The following ENOX1 variants were observed in gnomAD, a reference collection of about 807,000 sequenced individuals.
The protein encoded by ENOX1 is ecto-NOX disulfide-thiol exchanger 1.
A neutral mutation model predicts 82.5 loss-of-function variants in ENOX1; 42 were observed. That is an observed-to-expected ratio of 0.51 (90% confidence interval 0.40 to 0.66). The LOEUF is 0.66. Among genes scored for constraint, ENOX1 ranks in the 30% least tolerant of loss-of-function variants. The pLI is 0.00. For synonymous variants in ENOX1, 271 were observed against 282.2 expected (o/e 0.96, Z 0.40); for missense variants, 608 against 811.6 (o/e 0.75, Z 3.05).
chr13:43,681,260 C>A (rs1024818292), intron 1 of ENOX1, among the ~76,000 whole-genome samples: 4 of 152,084 alleles, frequency 2.6e-5, no homozygotes, highest in African/African-American at 9.7e-5. Context: ...TAGAAGTCAC[C>A]ACCTAACACA....
chr13:43,702,513 G>A (rs2086963516), intron 1 of ENOX1, among the ~76,000 whole-genome samples: 3 of 152,258 alleles, frequency 2.0e-5, no homozygotes, highest in Non-Finnish European at 2.9e-5. Flanking sequence ...TTCCTACTCT[G>A]TAACTCACCT....
intron 3 of ENOX1, among the ~76,000 whole-genome samples, chr13:43,469,137 A>G (rs1036490865): frequency 6.6e-6 from 1 of 152,178 alleles, no homozygotes; most frequent in Non-Finnish European, 1.5e-5. Flanking sequence ...CTGGTTAAAA[A>G]GTTTCCTTAT....
intron 9 of ENOX1, among the ~76,000 whole-genome samples, chr13:43,338,676 GTTTTT>G (rs71099830): frequency 7.4e-5 from 6 of 81,260 alleles, no homozygotes; most frequent in Non-Finnish European, 1.1e-4. Flanking sequence ...TTCAGGTTGG[GTTTTT>G]TTTTTTTTTT....
intron 1 of ENOX1, among the ~76,000 whole-genome samples, chr13:43,727,306 T>C (rs1264046325): frequency 6.6e-6 from 1 of 152,184 alleles, no homozygotes; most frequent in Admixed American, 6.5e-5. Context: ...TCAGCAATAA[T>C]GGGTCCCCTC....
At chr13:43,430,955 T>C (rs1472907451) in intron 3 of ENOX1, among the ~76,000 whole-genome samples, 1 of 152,166 alleles carries the variant, frequency 6.6e-6, no homozygotes, top group Admixed American at 6.5e-5. Context: ...TGTTTTAAAC[T>C]GTAAAAATGA....
At chr13:43,654,672 T>A (rs1459953991) in intron 2 of ENOX1, among the ~76,000 whole-genome samples, 2 of 152,208 alleles carry the variant, frequency 1.3e-5, no homozygotes, top group Non-Finnish European at 2.9e-5. Context: ...TTTAAAGAAT[T>A]TCCATAGTCA....
rs2084845489 is a variant in ENOX1, at chr13:43,663,759, G to C, written c.-219+3720C>G. On this transcript the variant is annotated intron_variant, in intron 2 of 16. Transcript: ENST00000690772. ...AAAAAGGTAAGAAATGCTTGGAAAG[G>C]ATAATCGTAGATTTAAAAAAAGGAA... Among the ~76,000 whole-genome samples the C allele has an allele frequency of 3.3e-5, 5 of 152,126 alleles. No individual in the cohort carries two copies. In the South Asian group the frequency reaches 8.3e-4, roughly 25 times the overall value.
intron 14 of ENOX1, among the ~76,000 whole-genome samples, chr13:43,256,323 A>C (rs2043743477): frequency 3.3e-5 from 5 of 152,222 alleles, no homozygotes; most frequent in Admixed American, 3.3e-4. Context: ...CAAGCTAAAA[A>C]GTATTTGCAC....
chr13:43,687,485 T>C (rs2086135806), intron 1 of ENOX1, among the ~76,000 whole-genome samples: 1 of 152,208 alleles, frequency 6.6e-6, no homozygotes, highest in African/African-American at 2.4e-5. Flanking sequence ...AGTTTGTCTC[T>C]TCCCCACTTG....
chr13:43,273,944 G>A (rs183631526), intron 12 of ENOX1, among the ~76,000 whole-genome samples: 11 of 152,204 alleles, frequency 7.2e-5, no homozygotes, highest in African/African-American at 2.6e-4. Flanking sequence ...AATAAATGAA[G>A]GGATAAATGA....
At chr13:43,372,888 C>T (rs1447027401) in intron 5 of ENOX1, among the ~76,000 whole-genome samples, 1 of 151,790 alleles carries the variant, frequency 6.6e-6, no homozygotes, top group Non-Finnish European at 1.5e-5. Context: ...AGGGACCGTC[C>T]GAGTTCTAGT....
chr13:43,374,805 G>A (rs1309123004), intron 5 of ENOX1, among the ~76,000 whole-genome samples: 14 of 152,188 alleles, frequency 9.2e-5, no homozygotes, highest in African/African-American at 2.9e-4. Context: ...GAAGACATCT[G>A]CCCACAGTGT....
At chr13:43,537,596 C>T (rs2078520598) in intron 2 of ENOX1, among the ~76,000 whole-genome samples, 1 of 152,122 alleles carries the variant, frequency 6.6e-6, no homozygotes, top group African/African-American at 2.4e-5. Context: ...CTATGTAGTT[C>T]TCTGCATTGT....
intron 2 of ENOX1, among the ~76,000 whole-genome samples, chr13:43,575,129 G>A (rs1303007339): frequency 6.6e-6 from 1 of 152,222 alleles, no homozygotes; most frequent in African/African-American, 2.4e-5. Flanking sequence ...CCAGCATGGA[G>A]TGAATCGCTT....
At chr13:43,292,809 A>G (rs768370734) in intron 12 of ENOX1, among the ~76,000 whole-genome samples, 5 of 151,340 alleles carry the variant, frequency 3.3e-5, no homozygotes, top group African/African-American at 7.3e-5. Flanking sequence ...CCTCACCATA[A>G]CTACCCTTCA....
At chr13:43,298,631 T>A in intron 11 of ENOX1, 101 bp from the exon 12 acceptor site, 1 of 1,133,120 alleles carries the variant, frequency 8.8e-7, no homozygotes, top group Non-Finnish European at 1.2e-6. Context: ...TCTTAATGTT[T>A]GTACCAGCTC....
intron 12 of ENOX1, among the ~76,000 whole-genome samples, chr13:43,292,431 A>C (rs1258784519): frequency 1.3e-5 from 2 of 152,138 alleles, no homozygotes; most frequent in Non-Finnish European, 2.9e-5. Flanking sequence ...TAGAAATTAA[A>C]AACAGAAGAC....
intron 7 of ENOX1, 72 bp downstream of exon 7, chr13:43,359,779 G>T: frequency 2.1e-6 from 3 of 1,403,394 alleles, no homozygotes; most frequent in Non-Finnish European, 2.0e-6. Flanking sequence ...GAAGGCCAAA[G>T]GGAATAAGCT....
Position 43,701,409 on chromosome 13 carries a change from A to G in ENOX1, c.-284-33865T>C, listed in dbSNP as rs143742312. On this transcript the variant is annotated intron_variant, in intron 1 of 16. Transcript: ENST00000690772. ...GTGCACACGGTTACAAACCACAATGATATGCACTCATTATTTCCCTTTTTA... is the reference window on the plus strand; with the variant it reads ...GTGCACACGGTTACAAACCACAATGGTATGCACTCATTATTTCCCTTTTTA... 4.6e-3 allele frequency among the ~76,000 whole-genome samples: 694 copies of G among 152,234 alleles called. 5 individuals are homozygous for G. The highest frequency in any genetic ancestry group is 3.9e-3 in the Non-Finnish European group (262 of 67,990).
Sources: gnomAD v4.1 joint callset for allele counts (sites outside exome capture counted in the v4.1 genomes callset) on GRCh38, gnomAD v4.1.1 for gene constraint, MANE v1.5 for transcripts, NCBI Gene and HGNC (gene_info 2026-07-23, HGNC 2026-07-21) for gene names.